Variants in SYN3 observed in about 807,000 individuals in gnomAD.
SYN3 encodes the protein synapsin-3.
A neutral mutation model predicts 65.8 loss-of-function variants in SYN3; 35 were observed. The ratio of observed to expected loss-of-function variants is 0.53; its 90% confidence interval spans 0.41 to 0.70. The LOEUF is 0.70. SYN3 is among the 30% of genes least tolerant of loss of function. The pLI is 0.00. For synonymous variants in SYN3, 270 were observed against 292.9 expected, an observed-to-expected ratio of 0.92 and a Z score of 0.80; for missense variants, 680 against 749.0, an observed-to-expected ratio of 0.91 and a Z score of 1.08.
At chr22:32,859,569 C>T (rs2048478651) in intron 6 of SYN3, 2 of 710,808 alleles carry the variant, frequency 2.8e-6, no homozygotes, top group African/African-American at 1.8e-5. Flanking sequence ...CACCCTGCCC[C>T]TTCTTTTTGG....
intron 6 of SYN3, among the ~76,000 whole-genome samples, chr22:32,609,264 C>T (rs919232247): frequency 2.0e-5 from 3 of 151,756 alleles, no homozygotes; most frequent in South Asian, 2.1e-4. Context: ...GCGGAGCTTT[C>T]GGTGAGCGGA....
chr22:32,721,205 C>G (rs1416124285), intron 6 of SYN3, among the ~76,000 whole-genome samples: 1 of 152,190 alleles, frequency 6.6e-6, no homozygotes, highest in Non-Finnish European at 1.5e-5. Flanking sequence ...GGGTGGAGCT[C>G]CCGGTGGTGG....
chr22:32,850,564 C>T (rs1041176008), intron 6 of SYN3, among the ~76,000 whole-genome samples: 5 of 152,126 alleles, frequency 3.3e-5, no homozygotes, highest in Non-Finnish European at 5.9e-5. Context: ...CCAGGGAGGC[C>T]GTGAGGGAGA....
At chr22:32,943,180 C>T (rs2195084) in intron 3 of SYN3, among the ~76,000 whole-genome samples, 8,054 of 152,150 alleles carry the variant, frequency 0.053, 700 homozygotes, top group African/African-American at 0.18. Context: ...GAAAAAATGT[C>T]AAGGGCAGCC....
intron 6 of SYN3, among the ~76,000 whole-genome samples, chr22:32,738,035 A>G (rs1441292949): frequency 6.6e-6 from 1 of 152,186 alleles, no homozygotes; most frequent in Non-Finnish European, 1.5e-5. Flanking sequence ...TGTTGTAGCA[A>G]CTAATTATCA....
intron 4 of SYN3, among the ~76,000 whole-genome samples, chr22:32,882,680 T>C (rs2146426594): frequency 6.6e-6 from 1 of 152,164 alleles, no homozygotes; most frequent in South Asian, 2.1e-4. Flanking sequence ...TGCTAAATTA[T>C]TCTCTGTACT....
chr22:32,522,391 A>G (rs2057900056), intron 12 of SYN3, among the ~76,000 whole-genome samples: 1 of 152,176 alleles, frequency 6.6e-6, no homozygotes, highest in Non-Finnish European at 1.5e-5. Flanking sequence ...GCCAGAGAGG[A>G]AATCAGAATA....
At chr22:32,790,080 C>T (rs1367105293) in intron 6 of SYN3, among the ~76,000 whole-genome samples, 3 of 152,170 alleles carry the variant, frequency 2.0e-5, no homozygotes, top group African/African-American at 4.8e-5. Context: ...AGTTACTTGT[C>T]GAAGGTCACA....
rs199980697 is a variant in SYN3, at chr22:32,677,095, C to T, written c.712-80359G>A. On this transcript the variant is annotated intron_variant, in intron 6 of 13. Coordinates refer to ENST00000358763, the MANE Select transcript of SYN3 (RefSeq NM_003490.4). ...TTGGACATACATGTTGTGGCAGACG[C>T]AATGCTAGACTCAGGGGCTTCAGAG... Among the ~76,000 whole-genome samples the T allele has an allele frequency of 2.2e-3, 328 of 152,304 alleles. 5 individuals carry two copies. In the East Asian group the frequency reaches 0.037, roughly 17 times the overall value.
intron 6 of SYN3, chr22:32,802,183 AG>A (rs779241122): frequency 7.5e-5 from 115 of 1,531,876 alleles, no homozygotes; most frequent in Non-Finnish European, 9.4e-5. Flanking sequence ...AGCGCTGCTT[AG>A]GGAGGCAGGG....
At chr22:32,704,893 T>C in intron 6 of SYN3, among the ~76,000 whole-genome samples, 1 of 152,234 alleles carries the variant, frequency 6.6e-6, no homozygotes, top group East Asian at 1.9e-4. Flanking sequence ...CTTTGCCCAC[T>C]TTTTAATGGG....
intron 6 of SYN3, among the ~76,000 whole-genome samples, chr22:32,657,282 C>A (rs1390614425): frequency 2.0e-5 from 3 of 152,188 alleles, no homozygotes; most frequent in African/African-American, 7.2e-5. Context: ...TGCCACCTCA[C>A]CCGGCTGATT....
chr22:32,680,168 C>T (rs760374139), intron 6 of SYN3, among the ~76,000 whole-genome samples: 143 of 152,264 alleles, frequency 9.4e-4, no homozygotes, highest in Non-Finnish European at 1.5e-3. Context: ...AACTACAGCT[C>T]GCCATGGTGC....
rs142874540 is a variant in SYN3, at chr22:32,985,361, G to T, written c.312-4659C>A. ...ACAAAACAATCTTACCCTCTTGGGG[G>T]TTCCAAAGCAGAATTATGACTCACC... On this transcript the variant is annotated intron_variant, in intron 2 of 13. Transcript: ENST00000358763. Among the ~76,000 whole-genome samples the T allele has an allele frequency of 6.3e-3, 958 of 152,258 alleles. 8 individuals are homozygous for T. The highest frequency in any genetic ancestry group is 0.027 in the Middle Eastern group (8 of 294).
At chr22:32,970,203 CACTT>C (rs1253985825) in intron 3 of SYN3, among the ~76,000 whole-genome samples, 2 of 152,100 alleles carry the variant, frequency 1.3e-5, no homozygotes, top group Admixed American at 6.5e-5. Flanking sequence ...ACTATATGCG[CACTT>C]ACTATTTTAT....
chr22:32,567,725 C>T (rs1468218334), intron 7 of SYN3, among the ~76,000 whole-genome samples: 3 of 152,106 alleles, frequency 2.0e-5, no homozygotes, highest in Non-Finnish European at 2.9e-5. Flanking sequence ...ATGGGGTTGA[C>T]GAGCCTCAGA....
intron 6 of SYN3, among the ~76,000 whole-genome samples, chr22:32,852,104 G>C (rs1382049232): frequency 6.6e-6 from 1 of 152,188 alleles, no homozygotes; most frequent in Non-Finnish European, 1.5e-5. Context: ...GCATAGATCA[G>C]TACTTATACT....
chr22:32,985,077 G>T (rs1442557716), intron 2 of SYN3, among the ~76,000 whole-genome samples: 1 of 152,188 alleles, frequency 6.6e-6, no homozygotes, highest in East Asian at 1.9e-4. Context: ...CCACTCACTT[G>T]TGCAAGCTTG....
chr22:32,797,098 CG>C (rs1254729407), intron 6 of SYN3, among the ~76,000 whole-genome samples: 1 of 152,142 alleles, frequency 6.6e-6, no homozygotes, highest in African/African-American at 2.4e-5. Flanking sequence ...TGTGCTCTCC[CG>C]CCCTCGCAGT....
Sources: allele counts gnomAD v4.1 joint callset (sites outside exome capture counted in the v4.1 genomes callset), GRCh38; gene constraint gnomAD v4.1.1; transcripts MANE v1.5; gene names NCBI Gene and HGNC (gene_info 2026-07-23, HGNC 2026-07-21).